COPA: variants seen among roughly 807,000 people sequenced by gnomAD.
The protein encoded by COPA is coat protein complex I subunit alpha.
A neutral mutation model predicts 158.7 loss-of-function variants in COPA; 10 were observed. That is an observed-to-expected ratio of 0.06 (90% CI 0.04 to 0.11). COPA has a LOEUF of 0.11. Among genes scored for constraint, COPA ranks in the 10% least tolerant of loss-of-function variants. The probability of loss-of-function intolerance (pLI) is 1.00; values close to 1 mark genes in which losing one functional copy is unlikely to be tolerated. For missense variants in COPA, 1,065 were observed against 1,536.7 expected (o/e 0.69, Z 5.13); for synonymous variants, 462 against 542.8 (o/e 0.85, Z 2.07).
At chr1:160,337,831 GCT>G (rs1647848596) in intron 3 of COPA, among the ~76,000 whole-genome samples, 1 of 151,526 alleles carries the variant, frequency 6.6e-6, no homozygotes, top group Admixed American at 6.6e-5. Flanking sequence ...TTTAATAACA[GCT>G]TTATTGAGAT....
Position 160,326,072 on chromosome 1 carries a change from C to T in COPA, c.497-420G>A, listed in dbSNP as rs543818023. The T allele has an allele frequency of 1.7e-4, 29 of 165,846 alleles. No individual in the cohort carries two copies. The South Asian group carries it at 4.6e-3, about 26-fold the overall frequency. The allele number at this position is 165,846 out of a possible 1,614,324, so 10.3% of individuals were successfully genotyped here. A position where few individuals can be genotyped will look rare whatever the true frequency, so the allele number is the denominator to read the frequency against. On this transcript the variant is annotated intron_variant, in intron 6 of 32. Coordinates refer to ENST00000241704, the MANE Select transcript of COPA (RefSeq NM_004371.4). ...TTCATAAAATTTATAGCAGCTTTTC[C>T]CCGATCATTTCAGAAATTTTTTTCT... is the stretch of plus-strand genomic sequence containing the variant.
chr1:160,295,809 G>C lies in COPA; in HGVS notation c.2403C>G (p.Ile801Met). 6.2e-7 allele frequency: 1 copy of C among 1,613,596 alleles called. No individual in the cohort carries two copies. The highest frequency in any genetic ancestry group is 2.2e-5 in the East Asian group (1 of 44,882). Residue 801 changes from isoleucine (I) to methionine (M), a missense_variant, in exon 23 of 33, where the codon ATC (isoleucine) becomes ATG (methionine). By Grantham distance (10) the Ile-to-Met change is conservative. Coordinates refer to ENST00000241704, the MANE Select transcript of COPA (RefSeq NM_004371.4). ...AAGGCCAATTGGTATCCAATGGCATGATAGGTGCAGGTGGCTGGAGCAGCT... is the reference window on the plus strand; with the variant it reads ...AAGGCCAATTGGTATCCAATGGCATCATAGGTGCAGGTGGCTGGAGCAGCT... The part of the protein sequence containing the change: ...NAKLLQPPAP[I>M]MPLDTNWPLL...
chr1:160,333,965 A>ATG (rs59237821), intron 4 of COPA, among the ~76,000 whole-genome samples: 270 of 151,096 alleles, frequency 1.8e-3, no homozygotes, highest in East Asian at 0.016. Context: ...TTACTTCTAT[A>ATG]TGTGTGTGTG....
chr1:160,294,403 A>G, intron 25 of COPA, 81 bp downstream of exon 25: 10 of 1,214,838 alleles, frequency 8.2e-6, no homozygotes, highest in Non-Finnish European at 1.1e-5. Context: ...AGACCTGAGG[A>G]TAGTGGTAGG....
intron 6 of COPA, among the ~76,000 whole-genome samples, chr1:160,326,559 G>A (rs936918748): frequency 1.3e-5 from 2 of 152,154 alleles, no homozygotes; most frequent in Admixed American, 1.3e-4. Context: ...AAGCCACAGT[G>A]CAGTGTTTCT....
At chr1:160,309,253 G>T in intron 12 of COPA, 77 bp from the exon 13 acceptor site, 1 of 1,092,824 alleles carries the variant, frequency 9.2e-7, no homozygotes, top group Non-Finnish European at 1.4e-6. Context: ...CTCTGACAGA[G>T]AAAACAGTTC....
intron 3 of COPA, chr1:160,339,309 A>G (rs1400697411): frequency 1.3e-5 from 2 of 152,152 alleles, no homozygotes; most frequent in African/African-American, 4.8e-5. Context: ...AAATCATCCA[A>G]TCTTTTCTTT....
At chr1:160,321,169 C>T (rs1659321589) in intron 8 of COPA, among the ~76,000 whole-genome samples, 1 of 152,056 alleles carries the variant, frequency 6.6e-6, no homozygotes, top group African/African-American at 2.4e-5. Context: ...AAGTTATTAT[C>T]AACATGGGTA....
At chr1:160,322,995 A>G (rs1001524925) in intron 8 of COPA, among the ~76,000 whole-genome samples, 23 of 151,914 alleles carry the variant, frequency 1.5e-4, no homozygotes, top group Middle Eastern at 3.4e-3. Flanking sequence ...ACGTGCACAC[A>G]CACACACACA....
At chr1:160,334,338 T>C (rs1647665280) in intron 4 of COPA, among the ~76,000 whole-genome samples, 1 of 152,164 alleles carries the variant, frequency 6.6e-6, no homozygotes, top group Non-Finnish European at 1.5e-5. Context: ...ACACACATAT[T>C]TAGTGAGCTG....
intron 8 of COPA, among the ~76,000 whole-genome samples, chr1:160,321,626 A>G (rs1044219605): frequency 3.0e-4 from 46 of 152,278 alleles, no homozygotes; most frequent in African/African-American, 1.0e-3. Flanking sequence ...CGTCTCTAAA[A>G]AAAGTACAAA....
At chr1:160,309,071 C>T in intron 13 of COPA, 30 bp downstream of exon 13, 1 of 1,570,032 alleles carries the variant, frequency 6.4e-7, no homozygotes. Flanking sequence ...GAGCTGGAAG[C>T]AGAGTGGGGT....
intron 12 of COPA, 65 bp downstream of exon 12, chr1:160,310,126 TA>T: frequency 1.0e-6 from 1 of 988,366 alleles, no homozygotes; most frequent in Admixed American, 2.8e-5. Context: ...AAAGATTCCC[TA>T]AGGGCATAAG....
intron 8 of COPA, among the ~76,000 whole-genome samples, chr1:160,321,439 C>T (rs1313328556): frequency 6.6e-6 from 1 of 152,158 alleles, no homozygotes; most frequent in Non-Finnish European, 1.5e-5. Flanking sequence ...AAACCTAAGA[C>T]TCAACCAAAA....
chr1:160,292,348 T>C (rs111723484), intron 28 of COPA, 136 bp downstream of exon 28: 12 of 1,569,722 alleles, frequency 7.6e-6, no homozygotes, highest in Admixed American at 2.0e-5. Context: ...ACCAACCCCA[T>C]AGAGTAACAA....
chr1:160,294,659 A>T, intron 24 of COPA, 66 bp from the exon 25 acceptor site: 1 of 1,602,340 alleles, frequency 6.2e-7, no homozygotes, highest in Non-Finnish European at 8.6e-7. Flanking sequence ...AAGGAAGTAA[A>T]ATCAATCCTA....
rs1658121186 is a variant in COPA at position 160,288,894 on chromosome 1, G to C, written c.*1263C>G. On this transcript the variant is annotated 3_prime_UTR_variant, in exon 33 of 33. Transcript: ENST00000241704. ...AAGGCTGCAATCAAAAACAGAATAA[G>C]GGAGCTACTTGCTTTCTATCATTTT... Among the ~76,000 whole-genome samples, 1 of 152,130 alleles carries C rather than the reference G, an allele frequency of 6.6e-6. No homozygotes were observed. The highest frequency in any genetic ancestry group is 1.5e-5 in the Non-Finnish European group (1 of 68,020).
rs1647975488 is a variant in COPA at position 160,340,224 on chromosome 1, G to C, written c.111C>G (p.Asp37Glu). ...SLHNGVIQLW[D>E]YRMCTLIDKF... ...TGTCAATGAGAGTGCACATCCGATA[G>C]TCCCATAACTGGATGACCCCATTAT... Residue 37 changes from aspartate to glutamate, a missense_variant, in exon 2 of 33, where the codon GAC (aspartate) becomes GAG (glutamate). Physicochemically the swap from Asp to Glu is conservative, Grantham distance 45. Coordinates refer to ENST00000241704, the MANE Select transcript of COPA (RefSeq NM_004371.4). 1 of 1,613,726 alleles carries C rather than the reference G, an allele frequency of 6.2e-7. No individual in the cohort carries two copies. The highest frequency in any genetic ancestry group is 1.3e-5 in the African/African-American group (1 of 74,988).
intron 17 of COPA, 48 bp from the exon 18 acceptor site, chr1:160,299,312 C>T: frequency 6.4e-7 from 1 of 1,556,174 alleles, no homozygotes; most frequent in South Asian, 1.2e-5. Flanking sequence ...GAAAATCCAT[C>T]CTGTGAAGAA....
Sources: allele counts gnomAD v4.1 joint callset (sites outside exome capture counted in the v4.1 genomes callset), GRCh38; gene constraint gnomAD v4.1.1; transcripts MANE v1.5; gene names NCBI Gene and HGNC (gene_info 2026-07-23, HGNC 2026-07-21).